C9orf43: variants seen among roughly 807,000 people sequenced by gnomAD.
The protein encoded by C9orf43 is uncharacterized protein C9orf43.
C9orf43 carries 45 observed loss-of-function variants against 59.1 expected under a neutral mutation model. The ratio of observed to expected loss-of-function variants is 0.76; its 90% CI spans 0.60 to 0.98. The LOEUF (loss-of-function observed/expected upper bound fraction) is 0.98, where lower values mean the gene tolerates loss of function less well. Ranked by LOEUF, C9orf43 falls within the 50% of genes least tolerant of loss-of-function variation. C9orf43 has a pLI of 0.00. For synonymous variants in C9orf43, 203 were observed against 196.8 expected, an observed-to-expected ratio of 1.03 and a Z score of -0.26; for missense variants, 533 against 554.9, an observed-to-expected ratio of 0.96 and a Z score of 0.40.
intron 8 of C9orf43, 104 bp from the exon 9 acceptor site, chr9:113,424,915 A>G: frequency 1.0e-6 from 1 of 983,988 alleles, no homozygotes; most frequent in Non-Finnish European, 1.5e-6. Flanking sequence ...CTGGGTTCTT[A>G]AAATGTGCTT....
intron 3 of C9orf43, among the ~76,000 whole-genome samples, chr9:113,417,019 CATTTA>C (rs1770444259): frequency 6.6e-6 from 1 of 152,184 alleles, no homozygotes; most frequent in African/African-American, 2.4e-5. Flanking sequence ...CCCTCATTGT[CATTTA>C]ACCAAGCATC....
At position 113,419,871 on chromosome 9, in the gene C9orf43, A is replaced by T. The variant is rs190991176; in HGVS notation, c.345+706A>T. Among the ~76,000 whole-genome samples the T allele has an allele frequency of 2.6e-3, 395 of 151,424 alleles. 2 individuals carry two copies. The highest frequency in any genetic ancestry group is 9.1e-3 in the African/African-American group (374 of 41,260). ...TAAATTAGAAATTTAGGAAGAAAAA[A>T]CCCTCCTACTTAACTATGGTAAAGA... On this transcript the variant is annotated intron_variant, in intron 4 of 13. Coordinates refer to ENST00000374165, the MANE Select transcript of C9orf43 (RefSeq NM_001278629.2).
chr9:113,423,356 A>T lies in C9orf43; in HGVS notation c.514A>T (p.Asn172Tyr), dbSNP rs775243076. Reference sequence around the variant, plus strand: ...CAAGTCATTTCTGGGTCTCTCTGGAAATCAGTCCGCAGGAACACGAGTAGG... The same window carrying T: ...CAAGTCATTTCTGGGTCTCTCTGGATATCAGTCCGCAGGAACACGAGTAGG... ...KSKSFLGLSG[N>Y]QSAGTRVGTP... is the part of the protein sequence containing the mutation. Residue 172 changes from asparagine to tyrosine, a missense_variant, in exon 7 of 14, where the codon AAT becomes TAT. Coordinates refer to ENST00000374165, the MANE Select transcript of C9orf43 (RefSeq NM_001278629.2). The T allele has an allele frequency of 9.3e-6, 15 of 1,613,922 alleles. No homozygotes were observed. The highest frequency in any genetic ancestry group is 1.3e-5 in the Non-Finnish European group (15 of 1,179,962).
chr9:113,415,769 G>C (rs552122358), intron 3 of C9orf43, among the ~76,000 whole-genome samples: 23 of 152,148 alleles, frequency 1.5e-4, no homozygotes, highest in African/African-American at 4.6e-4. Flanking sequence ...GGAAAACTTA[G>C]ACTTAAAAAA....
At chr9:113,422,910 C>T (rs910210356) in intron 6 of C9orf43, among the ~76,000 whole-genome samples, 5 of 152,106 alleles carry the variant, frequency 3.3e-5, no homozygotes, top group African/African-American at 1.2e-4. Flanking sequence ...GTTATAAGAC[C>T]TGGGCTTCTA....
chr9:113,428,654 T>C (rs1195220863), intron 12 of C9orf43, among the ~76,000 whole-genome samples: 1 of 152,110 alleles, frequency 6.6e-6, no homozygotes, highest in Non-Finnish European at 1.5e-5. Context: ...GGAGGAATTG[T>C]TGGAAGCCAT....
Position 113,413,910 on chromosome 9 carries a change from A to C in C9orf43, c.287+16A>C, listed in dbSNP as rs766302755. 6 of 1,604,476 alleles carry C rather than the reference A, an allele frequency of 3.7e-6. No homozygotes were observed. The highest frequency in any genetic ancestry group is 4.2e-6 in the Non-Finnish European group (5 of 1,176,570). On this transcript the variant is annotated intron_variant, in intron 3 of 13. Coordinates refer to ENST00000374165, the MANE Select transcript of C9orf43 (RefSeq NM_001278629.2). ...TTCATGGCAGGTAAATTATCATGGA[A>C]TCTTCCTTTACAGCCTATTGTCTCA... is the stretch of plus-strand genomic sequence containing the variant.
At chr9:113,418,100 T>G (rs577831613) in intron 3 of C9orf43, among the ~76,000 whole-genome samples, 44 of 152,360 alleles carry the variant, frequency 2.9e-4, no homozygotes, top group Admixed American at 2.2e-3. Flanking sequence ...TTTAGCCATT[T>G]TTAAGCATAC....
intron 7 of C9orf43, 87 bp downstream of exon 7, chr9:113,423,585 G>A (rs1228341667): frequency 7.7e-7 from 1 of 1,291,722 alleles, no homozygotes; most frequent in Non-Finnish European, 1.1e-6. Context: ...CTTTTTCTGA[G>A]TAGGACTGGG....
intron 3 of C9orf43, among the ~76,000 whole-genome samples, chr9:113,417,091 C>T (rs1047858655): frequency 4.6e-5 from 7 of 152,234 alleles, no homozygotes; most frequent in African/African-American, 1.7e-4. Context: ...TGCCGCCTCT[C>T]ATGAGAATGT....
intron 4 of C9orf43, chr9:113,420,811 A>G: frequency 1.0e-6 from 1 of 984,604 alleles, no homozygotes; most frequent in Non-Finnish European, 1.2e-6. Context: ...TCCTGTAGGT[A>G]AGCCCCAGGG....
chr9:113,419,447 C>T (rs1828489281), intron 4 of C9orf43, among the ~76,000 whole-genome samples: 1 of 152,198 alleles, frequency 6.6e-6, no homozygotes, highest in Admixed American at 6.5e-5. Flanking sequence ...TGTTCAGCTA[C>T]TCAGTAAATA....
In C9orf43 at chr9:113,422,569, G is replaced by T. The variant is rs138296577; in HGVS notation, c.467G>T (p.Arg156Ile). The change falls in exon 6 of 14, where the codon AGA (arginine) becomes ATA (isoleucine). Residue 156 changes from arginine to isoleucine, a missense_variant. By Grantham distance (97) the Arg-to-Ile change is moderately conservative (BLOSUM62 -3). Coordinates refer to ENST00000374165, the MANE Select transcript of C9orf43 (RefSeq NM_001278629.2). Reference sequence around the variant, plus strand: ...TCCAGCCAGCATGGGAAGAAGAAAAGAAAGAACTCGGCAGTGGTGAGTTTG... The same window carrying T: ...TCCAGCCAGCATGGGAAGAAGAAAATAAAGAACTCGGCAGTGGTGAGTTTG... Reference protein sequence around the residue: ...IHVSQHGKKKRKNSAVKSKSF... With the variant: ...IHVSQHGKKKIKNSAVKSKSF... The T allele has an allele frequency of 2.5e-5, 40 of 1,613,766 alleles. No individual in the cohort carries two copies. The highest frequency in any genetic ancestry group is 2.0e-4 in the African/African-American group (15 of 74,892).
chr9:113,417,392 A>G (rs1409364483), intron 3 of C9orf43, among the ~76,000 whole-genome samples: 1 of 152,206 alleles, frequency 6.6e-6, no homozygotes, highest in African/African-American at 2.4e-5. Flanking sequence ...GGACCATGAC[A>G]TTTGTTTAGT....
chr9:113,421,433 T>TA (rs1443744956), intron 5 of C9orf43, among the ~76,000 whole-genome samples: 10 of 151,600 alleles, frequency 6.6e-5, no homozygotes, highest in African/African-American at 2.4e-4. Flanking sequence ...TACACGGCAG[T>TA]AAATAGCATA....
chr9:113,421,837 T>TTG (rs557589660), intron 5 of C9orf43, among the ~76,000 whole-genome samples: 313 of 152,228 alleles, frequency 2.1e-3, no homozygotes, highest in East Asian at 7.1e-3. Context: ...ATATATGCAT[T>TTG]TGTGTGTGTG....
At chr9:113,414,977 G>A (rs895645818) in intron 3 of C9orf43, among the ~76,000 whole-genome samples, 7 of 152,092 alleles carry the variant, frequency 4.6e-5, no homozygotes, top group Non-Finnish European at 1.0e-4. Flanking sequence ...AATTACAGGC[G>A]TGCACCACCA....
At chr9:113,424,432 A>G in intron 8 of C9orf43, 116 bp downstream of exon 8, 1 of 1,131,008 alleles carries the variant, frequency 8.8e-7, no homozygotes, top group Non-Finnish European at 1.3e-6. Flanking sequence ...TTCCACTCTG[A>G]ACCCATGCCC....
In C9orf43 at chr9:113,410,764, C is replaced by T. The variant is rs1006808252; in HGVS notation, c.-287C>T. On this transcript the variant is annotated 5_prime_UTR_variant, in exon 1 of 14. Coordinates refer to ENST00000374165, the MANE Select transcript of C9orf43 (RefSeq NM_001278629.2). Reference sequence around the variant, plus strand: ...ATCCCTTTAGGACCCGAGGCAGGCTCTGGGCCCGCCGGGTCCGTTAATCTC... The same window carrying T: ...ATCCCTTTAGGACCCGAGGCAGGCTTTGGGCCCGCCGGGTCCGTTAATCTC... 3.9e-5 allele frequency: 8 copies of T among 207,624 alleles called. No individual in the cohort carries two copies. Among genetic ancestry groups the T allele is most frequent in the Non-Finnish European group, 5.4e-5 (6 of 110,112 alleles). The allele number at this position is 207,624 out of a possible 1,614,324, so 12.9% of individuals were successfully genotyped here.
Sources: allele counts gnomAD v4.1 joint callset (sites outside exome capture counted in the v4.1 genomes callset), GRCh38; gene constraint gnomAD v4.1.1; transcripts MANE v1.5; gene names NCBI Gene and HGNC (gene_info 2026-07-23, HGNC 2026-07-21).